NXPE4: variants seen among roughly 807,000 people sequenced by gnomAD.
NXPE4 encodes the protein NXPE family member 4.
In NXPE4, 42 loss-of-function variants were observed where a neutral mutation model predicts 33.3. The ratio of observed to expected loss-of-function variants is 1.26; its 90% confidence interval spans 0.98 to 1.63. The LOEUF is 1.63. Ranked by LOEUF, NXPE4 falls within the 40% of genes most tolerant of loss-of-function variation. The pLI is 0.00. For synonymous variants in NXPE4, 253 were observed against 234.9 expected, an observed-to-expected ratio of 1.08 and a Z score of -0.71; for missense variants, 709 against 647.6, an observed-to-expected ratio of 1.09 and a Z score of -1.03.
intron 2 of NXPE4, among the ~76,000 whole-genome samples, chr11:114,589,966 A>G (rs1949407129): frequency 6.6e-6 from 1 of 152,226 alleles, no homozygotes; most frequent in South Asian, 2.1e-4. Flanking sequence ...TAAATGGTTT[A>G]CAGTCTTAGA....
chr11:114,668,756 A>G, the NXPE4 span, among the ~76,000 whole-genome samples: 3 of 152,166 alleles, frequency 2.0e-5, no homozygotes, highest in Non-Finnish European at 4.4e-5. Context: ...TTGTAAATAT[A>G]GAAGCCAACT....
At chr11:114,571,767 C>T (rs992449978) in intron 5 of NXPE4, among the ~76,000 whole-genome samples, 1 of 152,160 alleles carries the variant, frequency 6.6e-6, no homozygotes, top group Non-Finnish European at 1.5e-5. Flanking sequence ...AGAACTGCCA[C>T]AGGAACATAC....
chr11:114,621,189 C>G, the NXPE4 span, among the ~76,000 whole-genome samples: 1 of 152,116 alleles, frequency 6.6e-6, no homozygotes, highest in Non-Finnish European at 1.5e-5. Flanking sequence ...TCGTGGGTAA[C>G]CACTGTTACC....
chr11:114,587,691 T>G (rs540564255), intron 2 of NXPE4, among the ~76,000 whole-genome samples: 1 of 152,302 alleles, frequency 6.6e-6, no homozygotes, highest in South Asian at 2.1e-4. Context: ...GCCCCCACTG[T>G]CTTCCCCTCC....
chr11:114,585,609 GTA>G (rs1180473706), intron 2 of NXPE4, among the ~76,000 whole-genome samples: 2 of 151,722 alleles, frequency 1.3e-5, no homozygotes, highest in African/African-American at 4.8e-5. Flanking sequence ...GTGTGTGTGT[GTA>G]TATATATGTA....
At chr11:114,615,509 A>AT in the NXPE4 span, among the ~76,000 whole-genome samples, 1 of 145,942 alleles carries the variant, frequency 6.9e-6, no homozygotes, top group Non-Finnish European at 1.5e-5. Context: ...TGGATAATAC[A>AT]TGTTGCCTCA....
At chr11:114,632,053 A>G in the NXPE4 span, among the ~76,000 whole-genome samples, 1 of 142,626 alleles carries the variant, frequency 7.0e-6, no homozygotes, top group Non-Finnish European at 1.5e-5. Context: ...ATAATTTAAT[A>G]ATATGTAAGA....
the NXPE4 span, among the ~76,000 whole-genome samples, chr11:114,601,944 A>AATTATATATAATATTATAT: frequency 1.2e-5 from 1 of 80,300 alleles, no homozygotes; most frequent in East Asian, 3.9e-4. Context: ...TATATTATAT[A>AATTATATATAATATTATAT]ATTATATATA....
the NXPE4 span, among the ~76,000 whole-genome samples, chr11:114,632,994 T>A: frequency 3.8e-5 from 4 of 104,810 alleles, no homozygotes; most frequent in Non-Finnish European, 6.8e-5. Flanking sequence ...TTTTATATAA[T>A]ATATAATAAT....
the NXPE4 span, among the ~76,000 whole-genome samples, chr11:114,623,258 T>A: frequency 1.3e-5 from 2 of 152,064 alleles, no homozygotes; most frequent in Admixed American, 1.3e-4. Flanking sequence ...CGGTGGGTAA[T>A]ACATATTGCC....
At chr11:114,633,016 A>ATTTTT in the NXPE4 span, among the ~76,000 whole-genome samples, 8 of 107,032 alleles carry the variant, frequency 7.5e-5, no homozygotes, top group South Asian at 2.6e-4. Context: ...TATATTATAT[A>ATTTTT]ATATATAATG....
the NXPE4 span, among the ~76,000 whole-genome samples, chr11:114,610,457 AAGTGTTGTTTCTAG>A: frequency 6.6e-6 from 1 of 151,882 alleles, no homozygotes; most frequent in African/African-American, 2.4e-5. Flanking sequence ...GGTGGATAAT[AAGTGTTGTTTCTAG>A]GGTAACCACT....
At chr11:114,654,584 G>C in the NXPE4 span, among the ~76,000 whole-genome samples, 7 of 152,156 alleles carry the variant, frequency 4.6e-5, no homozygotes, top group Non-Finnish European at 1.0e-4. Context: ...TTGGCCCTCT[G>C]TTCCTGTGTT....
the NXPE4 span, among the ~76,000 whole-genome samples, chr11:114,629,035 T>C: frequency 6.6e-6 from 1 of 151,994 alleles, no homozygotes; most frequent in African/African-American, 2.4e-5. Context: ...AATCAATAGC[T>C]TACCAATGAA....
rs144334080 is a variant in NXPE4 at position 114,584,387 on chromosome 11, C to CT, written c.97-1367_97-1366insA. Reference sequence around the variant, plus strand: ...CTAGTAATGCAGGCCCATCCACCTGCAGTCCAAATGCAGGTGATTCTGAGG... The same window carrying CT: ...CTAGTAATGCAGGCCCATCCACCTGCTAGTCCAAATGCAGGTGATTCTGAGG... On this transcript the variant is annotated intron_variant, in intron 2 of 5. Coordinates refer to ENST00000375478, the MANE Select transcript of NXPE4 (RefSeq NM_001077639.2). The CT allele has an allele frequency of 2.5e-3, 823 of 331,278 alleles. 7 individuals are homozygous for CT. The highest frequency in any genetic ancestry group is 0.017 in the African/African-American group (738 of 44,626). The allele number at this position is 331,278 out of a possible 1,614,324, so 20.5% of individuals were successfully genotyped here.
the NXPE4 span, among the ~76,000 whole-genome samples, chr11:114,666,721 G>C: frequency 6.6e-6 from 1 of 151,980 alleles, no homozygotes. Flanking sequence ...CAAATTGCTG[G>C]CATATGCATG....
At chr11:114,650,908 C>G in the NXPE4 span, among the ~76,000 whole-genome samples, 1 of 152,066 alleles carries the variant, frequency 6.6e-6, no homozygotes, top group South Asian at 2.1e-4. Context: ...GGTGGAGGGG[C>G]AGCCTGGTAA....
the NXPE4 span, among the ~76,000 whole-genome samples, chr11:114,676,052 G>A: frequency 1.3e-5 from 2 of 151,862 alleles, no homozygotes; most frequent in Non-Finnish European, 2.9e-5. Flanking sequence ...TCCACATGTG[G>A]AAGAATGAAA....
chr11:114,663,120 A>G, the NXPE4 span, among the ~76,000 whole-genome samples: 16 of 152,176 alleles, frequency 1.1e-4, no homozygotes, highest in Non-Finnish European at 1.3e-4. Context: ...AGGCTGACTG[A>G]AGAGCCCTTG....
Sources: gnomAD v4.1 joint callset for allele counts (sites outside exome capture counted in the v4.1 genomes callset) on GRCh38, gnomAD v4.1.1 for gene constraint, MANE v1.5 for transcripts, NCBI Gene and HGNC (gene_info 2026-07-23, HGNC 2026-07-21) for gene names.